Variants in MCF2L2 observed in about 807,000 individuals in gnomAD.
The protein encoded by MCF2L2 is probable guanine nucleotide exchange factor MCF2L2.
MCF2L2 carries 102 observed loss-of-function variants against 150.2 expected under a neutral mutation model. The ratio of observed to expected loss-of-function variants is 0.68; its 90% CI spans 0.58 to 0.80. The LOEUF (loss-of-function observed/expected upper bound fraction) is 0.80. Among genes scored for constraint, MCF2L2 ranks in the 30% least tolerant of loss-of-function variants. The pLI is 0.00. For missense variants in MCF2L2, 1,256 were observed against 1,372.8 expected (o/e 0.91, Z 1.34); for synonymous variants, 465 against 491.3 (o/e 0.95, Z 0.71).
At chr3:183,268,759 T>C (rs913929583) in intron 15 of MCF2L2, among the ~76,000 whole-genome samples, 7 of 152,176 alleles carry the variant, frequency 4.6e-5, no homozygotes, top group Non-Finnish European at 7.3e-5. Context: ...CTGCGCATGA[T>C]ATGGTACAAG....
chr3:183,349,488 T>C (rs946206650), intron 3 of MCF2L2, among the ~76,000 whole-genome samples: 1 of 152,238 alleles, frequency 6.6e-6, no homozygotes, highest in Non-Finnish European at 1.5e-5. Flanking sequence ...CGAATGTTAC[T>C]GGGCACTGAT....
At chr3:183,403,524 C>T (rs1261555349) in intron 1 of MCF2L2, among the ~76,000 whole-genome samples, 2 of 152,162 alleles carry the variant, frequency 1.3e-5, no homozygotes, top group East Asian at 1.9e-4. Flanking sequence ...TGCCAGGTGG[C>T]GAGACTTGCT....
At chr3:183,293,606 C>A (rs1278446726) in intron 13 of MCF2L2, among the ~76,000 whole-genome samples, 1 of 152,098 alleles carries the variant, frequency 6.6e-6, no homozygotes, top group African/African-American at 2.4e-5. Context: ...CTGTGGAAAA[C>A]CTATAGCTTA....
rs1225953185 is a variant in MCF2L2, at chr3:183,267,363, T to C, written c.1862+9509A>G. Among the ~76,000 whole-genome samples, 1 of 152,270 alleles carries C rather than the reference T, an allele frequency of 6.6e-6. No homozygotes were observed. The highest frequency in any genetic ancestry group is 1.5e-5 in the Non-Finnish European group (1 of 68,050). ...AATCTCTAGTCCTCATTGGACATTT[T>C]ACATACCTGGCCTTTGCCTCCACCC... On this transcript the variant is annotated intron_variant, in intron 15 of 29. Coordinates refer to ENST00000328913, the MANE Select transcript of MCF2L2 (RefSeq NM_015078.4). This position sits in a 1 kb window ranked among gnomAD's most constrained non-coding sequence, Gnocchi z 5.5.
intron 21 of MCF2L2, among the ~76,000 whole-genome samples, chr3:183,219,642 T>C (rs1723071478): frequency 6.6e-6 from 1 of 151,478 alleles, no homozygotes; most frequent in African/African-American, 2.4e-5. Context: ...AGGAAGAAAA[T>C]ATATTACCAC....
intron 3 of MCF2L2, among the ~76,000 whole-genome samples, chr3:183,350,085 T>C (rs1265147256): frequency 1.3e-5 from 2 of 152,164 alleles, no homozygotes; most frequent in Non-Finnish European, 2.9e-5. Flanking sequence ...ACAAGACTCC[T>C]CTTCGCTCCA....
In MCF2L2 at chr3:183,295,424, G is replaced by A. The variant is rs1728441229; in HGVS notation, c.1551C>T (p.His517=). The A allele has an allele frequency of 3.1e-6, 5 of 1,614,118 alleles. No homozygotes were observed. Among genetic ancestry groups the A allele is most frequent in the Non-Finnish European group, 4.2e-6 (5 of 1,180,002 alleles). The part of the protein sequence containing the change: ...QRLDDVQEIF[H]KRQVSLMKLA... ...GTTTCATCAGACTCACTTGCCTCTT[G>A]TGAAATATTTCCTGGACATCATCCA... Residue 517 remains histidine, a synonymous_variant, in exon 13 of 30, where the codon CAC becomes CAT. Transcript: ENST00000328913.
intron 15 of MCF2L2, chr3:183,265,229 A>T (rs973355053): frequency 2.0e-5 from 3 of 152,242 alleles, no homozygotes; most frequent in Non-Finnish European, 4.4e-5. Flanking sequence ...ATCTGGCCCC[A>T]AACAGGGGTA....
At chr3:183,338,716 C>T (rs1401805682) in intron 5 of MCF2L2, 84 bp downstream of exon 5, 13 of 1,413,806 alleles carry the variant, frequency 9.2e-6, no homozygotes, top group South Asian at 1.5e-5. Context: ...CCTGTTGAAT[C>T]TTATCTTGCC....
At chr3:183,345,193 A>G (rs1356087551) in intron 3 of MCF2L2, among the ~76,000 whole-genome samples, 1 of 152,244 alleles carries the variant, frequency 6.6e-6, no homozygotes, top group East Asian at 1.9e-4. Context: ...AGCAAATGTA[A>G]AAGAATGGGA....
At chr3:183,222,546 C>CA (rs565485544) in intron 20 of MCF2L2, among the ~76,000 whole-genome samples, 208 of 149,232 alleles carry the variant, frequency 1.4e-3, no homozygotes, top group Non-Finnish European at 2.3e-3. Context: ...CACTCTGTCT[C>CA]AAAAAAAAAG....
At position 183,270,775 on chromosome 3, in the gene MCF2L2, TAGA is replaced by T; in HGVS notation, c.1862+6094_1862+6096del. 9 of 1,613,984 alleles carry T rather than the reference TAGA, an allele frequency of 5.6e-6. No individual in the cohort carries two copies. The highest frequency in any genetic ancestry group is 7.6e-6 in the Non-Finnish European group (9 of 1,179,980). ...AAAATGATGACATCTCATGGACACT[TAGA>T]AGATCTCCAGGACCTTTGGAAGAAT... On this transcript the variant is annotated intron_variant, in intron 15 of 29. Transcript: ENST00000328913. The surrounding 1 kb of genome is among the most constrained non-coding windows in gnomAD (Gnocchi z 4.5).
At chr3:183,232,058 A>C (rs1031147563) in intron 15 of MCF2L2, among the ~76,000 whole-genome samples, 1 of 152,212 alleles carries the variant, frequency 6.6e-6, no homozygotes, top group Non-Finnish European at 1.5e-5. Flanking sequence ...TGTCCTAATC[A>C]TATGAACTCA....
At chr3:183,193,541 A>G (rs1305784727) in intron 26 of MCF2L2, among the ~76,000 whole-genome samples, 2 of 151,908 alleles carry the variant, frequency 1.3e-5, no homozygotes, top group East Asian at 1.9e-4. Flanking sequence ...AGTAGAGACG[A>G]GGTTTCACCA....
chr3:183,325,500 C>T (rs1025519197), intron 5 of MCF2L2, among the ~76,000 whole-genome samples: 2 of 152,038 alleles, frequency 1.3e-5, no homozygotes, highest in East Asian at 3.9e-4. Flanking sequence ...GCCTTTCCCA[C>T]CTAAAAATTT....
chr3:183,415,189 A>AT (rs200764680), intron 1 of MCF2L2, among the ~76,000 whole-genome samples: 34,320 of 147,734 alleles, frequency 0.23, 3,954 homozygotes, highest in Non-Finnish European at 0.27. Flanking sequence ...GTTGAACTGA[A>AT]TTTTTTTTTT....
At chr3:183,272,770 CT>C in intron 15 of MCF2L2, 1 of 1,102,538 alleles carries the variant, frequency 9.1e-7, no homozygotes, top group East Asian at 5.6e-5. Flanking sequence ...GATGTATTGC[CT>C]TTTGCCCATA....
intron 15 of MCF2L2, among the ~76,000 whole-genome samples, chr3:183,249,113 C>A (rs1724393469): frequency 6.6e-6 from 1 of 152,204 alleles, no homozygotes; most frequent in Admixed American, 6.5e-5. Context: ...TTAATCAGCA[C>A]TCAAGATTGT....
chr3:183,251,601 C>G (rs903035803), intron 15 of MCF2L2, among the ~76,000 whole-genome samples: 2 of 152,136 alleles, frequency 1.3e-5, no homozygotes, highest in Non-Finnish European at 2.9e-5. Context: ...CCAACACGGT[C>G]CTCCTTCTTC....
Sources: allele counts gnomAD v4.1 joint callset (sites outside exome capture counted in the v4.1 genomes callset), GRCh38; gene constraint gnomAD v4.1.1; non-coding constraint Gnocchi (gnomAD v3.1); transcripts MANE v1.5; gene names NCBI Gene and HGNC (gene_info 2026-07-23, HGNC 2026-07-21).